SIK3: variants seen among roughly 807,000 people sequenced by gnomAD.
The protein encoded by SIK3 is SIK family kinase 3.
SIK3 carries 28 observed loss-of-function variants against 144.2 expected under a neutral mutation model. That is an observed-to-expected ratio of 0.19 (90% CI 0.14 to 0.27). The LOEUF is 0.27. Among genes scored for constraint, SIK3 ranks in the 10% least tolerant of loss-of-function variants. SIK3 has a pLI of 1.00. For synonymous variants in SIK3, 686 were observed against 676.3 expected, an observed-to-expected ratio of 1.01 and a Z score of -0.22; for missense variants, 1,319 against 1,776.0, an observed-to-expected ratio of 0.74 and a Z score of 4.62.
At chr11:117,016,455 CCTAT>C (rs1036596599) in intron 1 of SIK3, among the ~76,000 whole-genome samples, 1 of 100,458 alleles carries the variant, frequency 1.0e-5, no homozygotes, top group Non-Finnish European at 2.3e-5. Flanking sequence ...AATCCCATGA[CCTAT>C]CTATTTTTGG....
At chr11:117,002,201 AC>A (rs1163811969) in intron 1 of SIK3, among the ~76,000 whole-genome samples, 1 of 152,226 alleles carries the variant, frequency 6.6e-6, no homozygotes, top group Non-Finnish European at 1.5e-5. Flanking sequence ...AGCTTGTCCA[AC>A]CCAGCCTGTG....
intron 14 of SIK3, 104 bp downstream of exon 14, chr11:116,870,227 G>A (rs1474261468): frequency 6.4e-7 from 1 of 1,565,952 alleles, no homozygotes; most frequent in East Asian, 2.3e-5. Flanking sequence ...CCACACAAAT[G>A]TTGAAGCTGC....
intron 1 of SIK3, among the ~76,000 whole-genome samples, chr11:117,039,956 T>C (rs887515479): frequency 3.3e-5 from 5 of 152,152 alleles, no homozygotes; most frequent in African/African-American, 4.8e-5. Flanking sequence ...ATAAATAAAA[T>C]AAACACAGTG....
At chr11:116,994,298 A>C (rs905343477) in intron 1 of SIK3, among the ~76,000 whole-genome samples, 1 of 152,220 alleles carries the variant, frequency 6.6e-6, no homozygotes, top group Non-Finnish European at 1.5e-5. Flanking sequence ...ATTGTAGGTA[A>C]GGAGATAGGG....
At position 116,923,351 on chromosome 11, in the gene SIK3, A is replaced by C. The variant is rs1055274938; in HGVS notation, c.616+3868T>G. Among the ~76,000 whole-genome samples, 3 of 152,352 alleles carry C rather than the reference A, an allele frequency of 2.0e-5. No homozygotes were observed. The South Asian group carries it at 6.2e-4, about 32-fold the overall frequency. On this transcript the variant is annotated intron_variant, in intron 4 of 24. Transcript: ENST00000445177. ...GGCCATTGAAAAGATCAGGAATCTG[A>C]AAGTTACTTTTGGCTTTTAGAATTA...
chr11:116,929,824 G>A (rs1381943307), intron 3 of SIK3, among the ~76,000 whole-genome samples: 4 of 152,214 alleles, frequency 2.6e-5, no homozygotes, highest in Non-Finnish European at 1.5e-5. Flanking sequence ...ACTATATAGG[G>A]AATACTTAAA....
intron 3 of SIK3, among the ~76,000 whole-genome samples, chr11:116,940,604 T>C (rs1948236738): frequency 6.6e-6 from 1 of 152,016 alleles, no homozygotes; most frequent in African/African-American, 2.4e-5. Context: ...TTTTATGTCA[T>C]GGTAGAAATG....
At chr11:117,061,873 T>C (rs772667325) in intron 1 of SIK3, among the ~76,000 whole-genome samples, 3 of 152,194 alleles carry the variant, frequency 2.0e-5, no homozygotes. Context: ...TCAATTATAA[T>C]AGTTAATGAA....
At chr11:117,013,915 G>GGGTGT (rs1206309055) in intron 1 of SIK3, among the ~76,000 whole-genome samples, 1 of 23,618 alleles carries the variant, frequency 4.2e-5, no homozygotes, top group African/African-American at 8.7e-5. Context: ...GGGGGGGGAG[G>GGGTGT]GTGTGTGTGT....
chr11:117,001,843 G>T (rs1950863863), intron 1 of SIK3, among the ~76,000 whole-genome samples: 1 of 151,500 alleles, frequency 6.6e-6, no homozygotes, highest in Non-Finnish European at 1.5e-5. Flanking sequence ...CCTACCTTCA[G>T]TCCACCTTCT....
At chr11:116,928,585 T>C (rs982683412) in intron 3 of SIK3, among the ~76,000 whole-genome samples, 4 of 152,136 alleles carry the variant, frequency 2.6e-5, no homozygotes, top group African/African-American at 9.7e-5. Context: ...AAAGAGGAAG[T>C]TCAGGGTAGC....
At chr11:116,985,646 G>A in intron 1 of SIK3, among the ~76,000 whole-genome samples, 1 of 152,114 alleles carries the variant, frequency 6.6e-6, no homozygotes, top group East Asian at 1.9e-4. Flanking sequence ...AAACAAATAA[G>A]AAAACTTAAG....
At chr11:116,988,685 T>C (rs1007740333) in intron 1 of SIK3, among the ~76,000 whole-genome samples, 2 of 151,896 alleles carry the variant, frequency 1.3e-5, no homozygotes, top group African/African-American at 4.8e-5. Flanking sequence ...TCCCAGCTAC[T>C]TGGGAGGCTG....
At chr11:117,021,959 A>AAAAAC (rs1565565812) in intron 1 of SIK3, among the ~76,000 whole-genome samples, 3 of 141,468 alleles carry the variant, frequency 2.1e-5, no homozygotes, top group Admixed American at 7.1e-5. Flanking sequence ...AAAAAAAAAA[A>AAAAAC]AACCTAAAAA....
intron 6 of SIK3, among the ~76,000 whole-genome samples, chr11:116,884,605 C>T (rs1944719414): frequency 6.6e-6 from 1 of 151,918 alleles, no homozygotes; most frequent in African/African-American, 2.4e-5. Context: ...GTGATCTGCC[C>T]ATCTCGGCCT....
At chr11:117,067,938 C>T (rs1486916928) in intron 1 of SIK3, among the ~76,000 whole-genome samples, 3 of 151,972 alleles carry the variant, frequency 2.0e-5, no homozygotes, top group African/African-American at 2.4e-5. Flanking sequence ...GAGCCGAGAT[C>T]GCGCCACTGC....
At chr11:116,931,741 C>T (rs969175297) in intron 3 of SIK3, among the ~76,000 whole-genome samples, 2 of 152,188 alleles carry the variant, frequency 1.3e-5, no homozygotes, top group Admixed American at 6.5e-5. Flanking sequence ...TTTCTTCTTC[C>T]TACACCCATG....
chr11:116,974,740 G>T (rs1949887879), intron 1 of SIK3, among the ~76,000 whole-genome samples: 1 of 152,142 alleles, frequency 6.6e-6, no homozygotes, highest in Non-Finnish European at 1.5e-5. Context: ...TTTTCTTTTA[G>T]ACATAGTTTT....
intron 1 of SIK3, among the ~76,000 whole-genome samples, chr11:117,019,308 C>A (rs563826295): frequency 1.3e-5 from 2 of 152,142 alleles, no homozygotes; most frequent in African/African-American, 2.4e-5. Context: ...GGTGAGCCAC[C>A]GCACACGGTC....
Sources: gnomAD v4.1 joint callset for allele counts (sites outside exome capture counted in the v4.1 genomes callset) on GRCh38, gnomAD v4.1.1 for gene constraint, MANE v1.5 for transcripts, NCBI Gene and HGNC (gene_info 2026-07-23, HGNC 2026-07-21) for gene names.